The following FAM91A1 variants were observed in gnomAD, a reference collection of about 807,000 sequenced individuals.
FAM91A1 encodes family with sequence similarity 91 member A1, also known as protein FAM91A1.
FAM91A1 carries 41 observed loss-of-function variants against 113.5 expected under a neutral mutation model. That is an observed-to-expected ratio of 0.36 (90% CI 0.28 to 0.47). The LOEUF (loss-of-function observed/expected upper bound fraction) is 0.47, where lower values mean the gene tolerates loss of function less well. FAM91A1 is among the 20% of genes least tolerant of loss of function. The pLI, the probability that FAM91A1 is intolerant of heterozygous loss-of-function variation, is 1.00. For synonymous variants in FAM91A1, 307 were observed against 347.9 expected, an observed-to-expected ratio of 0.88 and a Z score of 1.31; for missense variants, 696 against 1,001.2, an observed-to-expected ratio of 0.70 and a Z score of 4.11.
intron 3 of FAM91A1, among the ~76,000 whole-genome samples, chr8:123,775,922 G>A (rs553402345): frequency 1.2e-4 from 19 of 152,136 alleles, no homozygotes; most frequent in African/African-American, 4.1e-4. Context: ...CCGAGATAGC[G>A]CCACTGCACT....
At position 123,787,766 on chromosome 8, in the gene FAM91A1, A is replaced by T. The variant is rs756647928; in HGVS notation, c.1278+16A>T. On this transcript the variant is annotated intron_variant, in intron 14 of 23. Coordinates refer to ENST00000334705, the MANE Select transcript of FAM91A1 (RefSeq NM_144963.4). ...ACTAGAAAAGGTAAATGTAGATTGCATGTAAGGGGATGTTAGGGCATTTGG... is the reference window on the plus strand; with the variant it reads ...ACTAGAAAAGGTAAATGTAGATTGCTTGTAAGGGGATGTTAGGGCATTTGG... 2.5e-6 allele frequency: 4 copies of T among 1,584,506 alleles called. No individual in the cohort carries two copies. Among genetic ancestry groups the T allele is most frequent in the Non-Finnish European group, 1.7e-6 (2 of 1,160,148 alleles).
intron 1 of FAM91A1, among the ~76,000 whole-genome samples, chr8:123,773,390 T>C (rs1335205280): frequency 6.6e-6 from 1 of 152,236 alleles, no homozygotes; most frequent in African/African-American, 2.4e-5. Context: ...TATATTAAAT[T>C]AAGTTTATGG....
At chr8:123,779,289 C>T (rs959034710) in intron 6 of FAM91A1, among the ~76,000 whole-genome samples, 1 of 152,110 alleles carries the variant, frequency 6.6e-6, no homozygotes, top group African/African-American at 2.4e-5. Flanking sequence ...GAAACTTGTA[C>T]TCTTAATCAC....
chr8:123,808,090 C>T (rs953016082), intron 20 of FAM91A1, among the ~76,000 whole-genome samples, 182 bp from the exon 21 acceptor site: 6 of 152,156 alleles, frequency 3.9e-5, no homozygotes, highest in Non-Finnish European at 4.4e-5. Context: ...TGTCTTCATT[C>T]GTGTCCCTTG....
At chr8:123,772,048 G>A (rs1367897873) in intron 1 of FAM91A1, among the ~76,000 whole-genome samples, 3 of 152,160 alleles carry the variant, frequency 2.0e-5, no homozygotes, top group Admixed American at 6.5e-5. Flanking sequence ...GGAGATGTGG[G>A]GTAGGAGTAG....
In FAM91A1 at chr8:123,808,367, C is replaced by G; in HGVS notation, c.2128C>G (p.Gln710Glu). 1 of 1,613,032 alleles carries G rather than the reference C, an allele frequency of 6.2e-7. No individual in the cohort carries two copies. The highest frequency in any genetic ancestry group is 1.1e-5 in the South Asian group (1 of 90,984). Residue 710 changes from glutamine (Q) to glutamate (E), a missense_variant, in exon 21 of 24, where the codon CAA (glutamine) becomes GAA (glutamate). Transcript: ENST00000334705. The stretch of plus-strand genomic sequence containing the variant: ...AGCAACTATAGATTCAGCAACAAAG[C>G]AAACCTCTGGTATGGTGCTAAAACT... ...EEATIDSATK[Q>E]TSGATTEADW...
intron 18 of FAM91A1, among the ~76,000 whole-genome samples, 162 bp downstream of exon 18, chr8:123,800,047 TG>T (rs1815636743): frequency 6.6e-6 from 1 of 152,148 alleles, no homozygotes. Flanking sequence ...TTTGGCAGTG[TG>T]GGAGTGGTAG....
intron 1 of FAM91A1, among the ~76,000 whole-genome samples, chr8:123,773,408 G>C (rs1473759126): frequency 1.3e-5 from 2 of 152,228 alleles, no homozygotes; most frequent in Non-Finnish European, 2.9e-5. Flanking sequence ...TGGTCTCCCA[G>C]TGAATATAAT....
intron 19 of FAM91A1, 83 bp from the exon 20 acceptor site, chr8:123,805,997 A>G: frequency 7.7e-7 from 1 of 1,299,236 alleles, no homozygotes; most frequent in East Asian, 2.5e-5. Context: ...TAGTTCTAAG[A>G]GTTGTTTAAT....
intron 6 of FAM91A1, among the ~76,000 whole-genome samples, chr8:123,779,722 T>C (rs1284300791): frequency 6.6e-6 from 1 of 152,220 alleles, no homozygotes; most frequent in Non-Finnish European, 1.5e-5. Flanking sequence ...TCCAATTCAA[T>C]CACAAGGAAC....
chr8:123,777,996 GT>G, intron 4 of FAM91A1, 28 bp from the exon 5 acceptor site: 2 of 1,587,456 alleles, frequency 1.3e-6, no homozygotes, highest in Non-Finnish European at 8.6e-7. Flanking sequence ...TATGTTAAAT[GT>G]TTTTAAAGGA....
chr8:123,788,899 CT>C (rs1238469909), intron 14 of FAM91A1, among the ~76,000 whole-genome samples: 1 of 152,078 alleles, frequency 6.6e-6, no homozygotes, highest in Non-Finnish European at 1.5e-5. Flanking sequence ...GTAGTTTGAT[CT>C]TAAGATTGAT....
chr8:123,812,208 C>G, intron 23 of FAM91A1: 6 of 172,192 alleles, frequency 3.5e-5, no homozygotes, highest in East Asian at 2.9e-4. Flanking sequence ...AGAGATTTTT[C>G]TTCTGTTAGG....
intron 2 of FAM91A1, 43 bp from the exon 3 acceptor site, chr8:123,775,104 A>C (rs775758402): frequency 1.3e-6 from 2 of 1,526,668 alleles, no homozygotes; most frequent in East Asian, 4.6e-5. Flanking sequence ...ATATAACTAT[A>C]AGAAACCTGA....
chr8:123,806,349 T>A, intron 20 of FAM91A1, 120 bp downstream of exon 20: 1 of 1,067,912 alleles, frequency 9.4e-7, no homozygotes, highest in Non-Finnish European at 1.3e-6. Flanking sequence ...CTCAATATTC[T>A]TTCACTGAAG....
chr8:123,775,172 C>A lies in FAM91A1; in HGVS notation c.183C>A (p.Arg61=). ...TTAAACATGTCAAGAAAGATGAACG[C>A]AGATACTATGAGGAACTGCTAAAGT... ...NLVKHVKKDE[R]RYYEELLKYS... The change falls in exon 3 of 24, where the codon CGC becomes CGA. Residue 61 remains arginine, a synonymous_variant. Transcript: ENST00000334705. 7.5e-6 allele frequency: 12 copies of A among 1,610,622 alleles called. No individual in the cohort carries two copies. Among genetic ancestry groups the A allele is most frequent in the Non-Finnish European group, 1.0e-5 (12 of 1,178,494 alleles).
chr8:123,777,997 T>A (rs753877792), intron 4 of FAM91A1, 28 bp from the exon 5 acceptor site: 1 of 1,590,946 alleles, frequency 6.3e-7, no homozygotes, highest in Admixed American at 1.7e-5. Context: ...ATGTTAAATG[T>A]TTTTAAAGGA....
chr8:123,793,652 C>T (rs1448401308), intron 15 of FAM91A1, among the ~76,000 whole-genome samples: 1 of 152,124 alleles, frequency 6.6e-6, no homozygotes, highest in Non-Finnish European at 1.5e-5. Context: ...GCAATAGCAT[C>T]TTATTGTGTA....
At chr8:123,771,861 C>G (rs1031692228) in intron 1 of FAM91A1, among the ~76,000 whole-genome samples, 6 of 152,176 alleles carry the variant, frequency 3.9e-5, no homozygotes, top group African/African-American at 1.4e-4. Context: ...GTGTCTTATT[C>G]TTACATCGCC....
Sources: allele counts gnomAD v4.1 joint callset (sites outside exome capture counted in the v4.1 genomes callset), GRCh38; gene constraint gnomAD v4.1.1; transcripts MANE v1.5; gene names NCBI Gene and HGNC (gene_info 2026-07-23, HGNC 2026-07-21).